Variants in SEMA6A observed in about 807,000 individuals in gnomAD.
The protein encoded by SEMA6A is semaphorin 6A.
SEMA6A carries 25 observed loss-of-function variants against 96.8 expected under a neutral mutation model. The observed-to-expected ratio is 0.26, with a 90% CI of 0.19 to 0.36. The LOEUF is 0.36. SEMA6A is among the 10% of genes least tolerant of loss of function. The probability of loss-of-function intolerance (pLI) is 1.00; values close to 1 mark genes in which losing one functional copy is unlikely to be tolerated. For synonymous variants in SEMA6A, 612 were observed against 518.0 expected, an observed-to-expected ratio of 1.18 and a Z score of -2.46; for missense variants, 1,363 against 1,323.1, an observed-to-expected ratio of 1.03 and a Z score of -0.47.
chr5:116,500,553 C>A (rs1381311154), intron 3 of SEMA6A, among the ~76,000 whole-genome samples: 1 of 152,082 alleles, frequency 6.6e-6, no homozygotes, highest in East Asian at 1.9e-4. Context: ...GACATTGCTT[C>A]CTGTAGCCAA....
At chr5:116,527,975 T>C (rs922731304) in intron 1 of SEMA6A, among the ~76,000 whole-genome samples, 5 of 152,122 alleles carry the variant, frequency 3.3e-5, no homozygotes, top group Admixed American at 1.3e-4. Flanking sequence ...AGGAAAACAA[T>C]ACAGGTTTTT....
At chr5:116,567,064 T>TA in intron 1 of SEMA6A, among the ~76,000 whole-genome samples, 1 of 152,364 alleles carries the variant, frequency 6.6e-6, no homozygotes, top group South Asian at 2.1e-4. Flanking sequence ...ATTTTATTAT[T>TA]AAAATGTTAA....
At chr5:116,554,203 A>G (rs1760521258) in intron 1 of SEMA6A, among the ~76,000 whole-genome samples, 1 of 152,204 alleles carries the variant, frequency 6.6e-6, no homozygotes, top group Admixed American at 6.5e-5. Flanking sequence ...ACAGATTCCA[A>G]TAGTATTAAT....
intron 18 of SEMA6A, among the ~76,000 whole-genome samples, chr5:116,459,879 C>T (rs1755265741): frequency 6.6e-6 from 1 of 152,098 alleles, no homozygotes; most frequent in Admixed American, 6.5e-5. Flanking sequence ...TAACACTCAG[C>T]ATAAGGTTTA....
At chr5:116,549,916 A>T (rs1209631524) in intron 1 of SEMA6A, among the ~76,000 whole-genome samples, 2 of 152,168 alleles carry the variant, frequency 1.3e-5, no homozygotes, top group African/African-American at 4.8e-5. Flanking sequence ...CACACATTCC[A>T]TTCAATTAGC....
intron 1 of SEMA6A, among the ~76,000 whole-genome samples, chr5:116,535,902 A>G (rs1561523646): frequency 2.0e-5 from 3 of 152,248 alleles, no homozygotes; most frequent in Non-Finnish European, 4.4e-5. Flanking sequence ...CATTTTGCGT[A>G]GCCTTTTAGT....
At chr5:116,565,932 G>A (rs1225798597) in intron 1 of SEMA6A, among the ~76,000 whole-genome samples, 3 of 152,144 alleles carry the variant, frequency 2.0e-5, no homozygotes, top group Non-Finnish European at 2.9e-5. Context: ...GAGGGGCGGG[G>A]AAGTGCTGAA....
intron 18 of SEMA6A, among the ~76,000 whole-genome samples, chr5:116,452,351 C>T (rs1330895116): frequency 6.6e-6 from 1 of 152,142 alleles, no homozygotes; most frequent in East Asian, 1.9e-4. Flanking sequence ...GCAAGGCACA[C>T]CCTGGCTTAG....
intron 1 of SEMA6A, among the ~76,000 whole-genome samples, chr5:116,548,419 T>A (rs1049755519): frequency 2.0e-5 from 3 of 152,076 alleles, no homozygotes; most frequent in Admixed American, 1.3e-4. Flanking sequence ...TTCTGGAGGG[T>A]GACTACAGGC....
rs1009308683 is a variant in SEMA6A at position 116,445,518 on chromosome 5, T to C, written c.*1095A>G. ...AGTCAGAACCATGGACAAAACCATG[T>C]TGGCATCAATGAGATATGATGTGCC... On this transcript the variant is annotated 3_prime_UTR_variant, in exon 19 of 19. Coordinates refer to ENST00000343348, the MANE Select transcript of SEMA6A (RefSeq NM_020796.5). The C allele has an allele frequency of 6.6e-6, 1 of 152,656 alleles. No homozygotes were observed. The highest frequency in any genetic ancestry group is 2.4e-5 in the African/African-American group (1 of 41,464). 9.5% of individuals were successfully genotyped at this position (152,656 alleles called of 1,614,324 possible). A position where few individuals can be genotyped will look rare whatever the true frequency, so the allele number is the denominator to read the frequency against.
intron 7 of SEMA6A, 45 bp downstream of exon 7, chr5:116,491,695 A>C (rs767038265): frequency 5.5e-6 from 8 of 1,462,246 alleles, no homozygotes; most frequent in Non-Finnish European, 5.8e-6. Flanking sequence ...TGACAGGATG[A>C]AACAAGCAAA....
intron 1 of SEMA6A, among the ~76,000 whole-genome samples, chr5:116,510,255 G>C (rs936076293): frequency 6.6e-6 from 1 of 152,034 alleles, no homozygotes; most frequent in East Asian, 1.9e-4. Flanking sequence ...CTTCAGTTGA[G>C]TTTTACACTA....
At chr5:116,552,491 C>G (rs369801971) in intron 1 of SEMA6A, among the ~76,000 whole-genome samples, 2 of 152,146 alleles carry the variant, frequency 1.3e-5, no homozygotes, top group Non-Finnish European at 2.9e-5. Context: ...TCTGGGTCAA[C>G]TGATGATTTG....
intron 1 of SEMA6A, among the ~76,000 whole-genome samples, chr5:116,509,607 T>TGTGAGAGAGA (rs1554088477): frequency 8.0e-5 from 12 of 150,562 alleles, no homozygotes; most frequent in African/African-American, 2.4e-4. Context: ...TCTGTGTGTG[T>TGTGAGAGAGA]GAGAGAGAGA....
At chr5:116,474,831 T>G (rs1190552934) in intron 16 of SEMA6A, among the ~76,000 whole-genome samples, 1 of 152,098 alleles carries the variant, frequency 6.6e-6, no homozygotes, top group Non-Finnish European at 1.5e-5. Context: ...TTTCCAAGAG[T>G]ATGGTATTAT....
intron 7 of SEMA6A, among the ~76,000 whole-genome samples, chr5:116,491,259 C>G (rs1433567077): frequency 3.3e-5 from 5 of 152,090 alleles, no homozygotes; most frequent in Non-Finnish European, 7.4e-5. Context: ...GGCAGTCATC[C>G]TCTGACTGTG....
rs1215348715 is a variant in SEMA6A at position 116,558,504 on chromosome 5, G to A, written c.-39+15681C>T. Among the ~76,000 whole-genome samples the A allele has an allele frequency of 3.4e-4, 3 of 8,796 alleles. 1 individual carries two copies. The highest frequency in any genetic ancestry group is 6.7e-4 in the African/African-American group (3 of 4,504). 5.8% of individuals were successfully genotyped at this position (8,796 alleles called of 152,430 possible). On this transcript the variant is annotated intron_variant, in intron 1 of 18. Coordinates refer to ENST00000343348, the MANE Select transcript of SEMA6A (RefSeq NM_020796.5). ...GGAGTCTCGCTCTGTCGCCCAGGCC[G>A]GACTGCGGACTGCAGTGGCGCAATC...
At chr5:116,549,756 C>T (rs1335613460) in intron 1 of SEMA6A, among the ~76,000 whole-genome samples, 2 of 152,072 alleles carry the variant, frequency 1.3e-5, no homozygotes, top group Non-Finnish European at 2.9e-5. Flanking sequence ...AGGGAGTTTC[C>T]CTCCACCAAA....
chr5:116,512,755 T>C (rs1012671013), intron 1 of SEMA6A, among the ~76,000 whole-genome samples: 2 of 144,636 alleles, frequency 1.4e-5, no homozygotes, highest in East Asian at 2.4e-4. Flanking sequence ...TTATTGCACA[T>C]TTATTGCACT....
Sources: gnomAD v4.1 joint callset for allele counts (sites outside exome capture counted in the v4.1 genomes callset) on GRCh38, gnomAD v4.1.1 for gene constraint, MANE v1.5 for transcripts, NCBI Gene and HGNC (gene_info 2026-07-23, HGNC 2026-07-21) for gene names.